Variants in YEATS2 observed in about 807,000 individuals in gnomAD.
YEATS2 encodes YEATS domain containing 2, also known as YEATS domain-containing protein 2.
A neutral mutation model predicts 163.2 loss-of-function variants in YEATS2; 77 were observed. That is an observed-to-expected ratio of 0.47 (90% CI 0.39 to 0.57). YEATS2 has a LOEUF of 0.57. Ranked by LOEUF, YEATS2 falls within the 20% of genes least tolerant of loss-of-function variation. The pLI, the probability that YEATS2 is intolerant of heterozygous loss-of-function variation, is 0.00. For missense variants in YEATS2, 1,549 were observed against 1,729.8 expected (o/e 0.90, Z 1.85); for synonymous variants, 631 against 645.1 (o/e 0.98, Z 0.33).
At position 183,782,549 on chromosome 3, in the gene YEATS2, G is replaced by A. The variant is rs141012801; in HGVS notation, c.2737-3576G>A. Among the ~76,000 whole-genome samples, 1,631 of 151,980 alleles carry A rather than the reference G, an allele frequency of 0.011. 64 individuals carry two copies. The East Asian group carries it at 0.14, about 13-fold the overall frequency. ...AGTGATTCTCCTGCCTCAGCCTCCC[G>A]AGTAGCTAGGATTACAGGCGCCTGC... On this transcript the variant is annotated intron_variant, in intron 19 of 30. Coordinates refer to ENST00000305135, the MANE Select transcript of YEATS2 (RefSeq NM_018023.5).
At chr3:183,765,664 C>T (rs1165248180) in intron 15 of YEATS2, among the ~76,000 whole-genome samples, 1 of 152,074 alleles carries the variant, frequency 6.6e-6, no homozygotes, top group African/African-American at 2.4e-5. Context: ...TGCCAGAGAA[C>T]AGGCTGGGTG....
chr3:183,732,586 G>A (rs1717910156), intron 7 of YEATS2, among the ~76,000 whole-genome samples: 1 of 151,656 alleles, frequency 6.6e-6, no homozygotes, highest in South Asian at 2.1e-4. Context: ...TTGAGACAGA[G>A]TCTCGCTCTG....
chr3:183,737,145 G>A lies in YEATS2; in HGVS notation c.924+316G>A, dbSNP rs73064310. ...AAATATATTTATTATTCATTAAATG[G>A]AAGTGGATCATCCTAAAGATCTTTA... On this transcript the variant is annotated intron_variant, in intron 8 of 30. Coordinates refer to ENST00000305135, the MANE Select transcript of YEATS2 (RefSeq NM_018023.5). 9.2e-5 allele frequency among the ~76,000 whole-genome samples: 14 copies of A among 152,224 alleles called. 1 individual carries two copies. The South Asian group carries it at 2.7e-3, about 29-fold the overall frequency.
At chr3:183,732,810 C>T (rs947622189) in intron 7 of YEATS2, among the ~76,000 whole-genome samples, 3 of 152,124 alleles carry the variant, frequency 2.0e-5, no homozygotes, top group Admixed American at 6.5e-5. Context: ...CTGCCCACCT[C>T]GGCCTCCCAA....
At chr3:183,773,971 G>A (rs775768155) in intron 17 of YEATS2, among the ~76,000 whole-genome samples, 177 bp downstream of exon 17, 128 of 152,190 alleles carry the variant, frequency 8.4e-4, no homozygotes, top group Non-Finnish European at 1.6e-3. Flanking sequence ...AACTAGAAGT[G>A]GGTTTGCTCC....
chr3:183,747,756 G>A, intron 9 of YEATS2, 40 bp downstream of exon 9: 1 of 1,575,618 alleles, frequency 6.3e-7, no homozygotes, highest in Non-Finnish European at 8.7e-7. Context: ...GAATGAGTAG[G>A]ATGAAAATTG....
chr3:183,765,069 G>A (rs927327423), intron 15 of YEATS2, among the ~76,000 whole-genome samples: 3 of 152,146 alleles, frequency 2.0e-5, no homozygotes, highest in Admixed American at 6.6e-5. Flanking sequence ...TGAGGCATTC[G>A]TAGCCAGAAT....
chr3:183,757,689 A>G (rs940422907), intron 12 of YEATS2, among the ~76,000 whole-genome samples: 1 of 152,222 alleles, frequency 6.6e-6, no homozygotes, highest in African/African-American at 2.4e-5. Flanking sequence ...TGATTATAAG[A>G]TAATGAGACT....
At position 183,802,535 on chromosome 3, in the gene YEATS2, G is replaced by GTATATATATACACGTA. The variant is rs11276625; in HGVS notation, c.3503-715_3503-714insTATACACGTATATATA. On this transcript the variant is annotated intron_variant, in intron 25 of 30. Coordinates refer to ENST00000305135, the MANE Select transcript of YEATS2 (RefSeq NM_018023.5). ...TATACATGTATATATATATACACGTGTATATACACACACACATATTTTTCT... is the reference window on the plus strand; with the variant it reads ...TATACATGTATATATATATACACGTGTATATATATACACGTATATATACACACACACATATTTTTCT... 693 of 142,296 alleles carry GTATATATATACACGTA rather than the reference G, an allele frequency of 4.9e-3. 12 individuals are homozygous for GTATATATATACACGTA. The highest frequency in any genetic ancestry group is 0.016 in the African/African-American group (577 of 36,794). 8.8% of individuals were successfully genotyped at this position (142,296 alleles called of 1,614,324 possible).
intron 19 of YEATS2, among the ~76,000 whole-genome samples, chr3:183,783,089 A>G (rs914687627): frequency 2.6e-5 from 4 of 152,356 alleles, no homozygotes; most frequent in Non-Finnish European, 5.9e-5. Context: ...AAATTATGCC[A>G]TGGCTATTAC....
intron 10 of YEATS2, 117 bp from the exon 11 acceptor site, chr3:183,754,009 C>A: frequency 8.0e-7 from 1 of 1,251,044 alleles, no homozygotes; most frequent in Non-Finnish European, 1.1e-6. Flanking sequence ...TATTTTGCTA[C>A]CAGTACATGG....
At chr3:183,747,483 A>G (rs184361548) in intron 8 of YEATS2, among the ~76,000 whole-genome samples, 189 bp from the exon 9 acceptor site, 1 of 152,166 alleles carries the variant, frequency 6.6e-6, no homozygotes, top group African/African-American at 2.4e-5. Flanking sequence ...TATAGTAACT[A>G]TATGTCTGAG....
In YEATS2 at chr3:183,759,161, T is replaced by C. The variant is rs548179790; in HGVS notation, c.1656+196T>C. On this transcript the variant is annotated intron_variant, in intron 13 of 30. Coordinates refer to ENST00000305135, the MANE Select transcript of YEATS2 (RefSeq NM_018023.5). ...GAGCTGCACCCCGCCACTTTGCCGG[T>C]TTCTGAACATAGTATGTTCAGCCTC... Among the ~76,000 whole-genome samples the C allele has an allele frequency of 7.9e-5, 12 of 152,318 alleles. No individual in the cohort carries two copies. The South Asian group carries it at 2.5e-3, about 32-fold the overall frequency.
At position 183,777,658 on chromosome 3, in the gene YEATS2, G is replaced by A. The variant is rs536571179; in HGVS notation, c.2694G>A (p.Thr898=). The A allele has an allele frequency of 5.4e-5, 87 of 1,614,098 alleles. 2 individuals are homozygous for A. The South Asian group carries it at 6.9e-4, about 13-fold the overall frequency. The change falls in exon 19 of 31, where the codon ACG becomes ACA. Residue 898 remains threonine (T), a synonymous_variant. Coordinates refer to ENST00000305135, the MANE Select transcript of YEATS2 (RefSeq NM_018023.5). ...CATCTTCTGCACAAGGACAACAAACGCTAAAAGTCATCTCTGGACAGAAAA... is the reference window on the plus strand; with the variant it reads ...CATCTTCTGCACAAGGACAACAAACACTAAAAGTCATCTCTGGACAGAAAA... ...VSTSSAQGQQ[T]LKVISGQKTT...
chr3:183,717,598 A>G, intron 2 of YEATS2, 53 bp from the exon 3 acceptor site: 1 of 1,324,688 alleles, frequency 7.5e-7, no homozygotes, highest in South Asian at 1.4e-5. Context: ...GACTTAAATA[A>G]AGACAGTCAC....
intron 7 of YEATS2, among the ~76,000 whole-genome samples, chr3:183,735,174 T>G (rs1458339157): frequency 6.6e-6 from 1 of 152,232 alleles, no homozygotes; most frequent in Non-Finnish European, 1.5e-5. Context: ...ATAGTCATTG[T>G]GAGAGAAGTT....
intron 24 of YEATS2, chr3:183,801,015 A>T (rs74972997): frequency 0.075 from 12,725 of 170,306 alleles, 636 homozygotes; most frequent in African/African-American, 0.15. Flanking sequence ...TTTCTAAATC[A>T]GGAAGCCACT....
At chr3:183,772,259 C>A in intron 15 of YEATS2, 46 bp from the exon 16 acceptor site, 2 of 1,607,504 alleles carry the variant, frequency 1.2e-6, no homozygotes, top group African/African-American at 1.3e-5. Flanking sequence ...GACTGCTGTT[C>A]TAAGAGCTCT....
At chr3:183,717,470 C>G (rs560434132) in intron 2 of YEATS2, among the ~76,000 whole-genome samples, 181 bp from the exon 3 acceptor site, 1 of 152,170 alleles carries the variant, frequency 6.6e-6, no homozygotes, top group Non-Finnish European at 1.5e-5. Context: ...AGAAAGTACA[C>G]GAGATCACTT....
Sources: allele counts gnomAD v4.1 joint callset (sites outside exome capture counted in the v4.1 genomes callset), GRCh38; gene constraint gnomAD v4.1.1; transcripts MANE v1.5; gene names NCBI Gene and HGNC (gene_info 2026-07-23, HGNC 2026-07-21).